Variants in DHRS13 observed in about 807,000 individuals in gnomAD.
The protein encoded by DHRS13 is dehydrogenase/reductase SDR family member 13.
DHRS13 carries 22 observed loss-of-function variants against 17.9 expected under a neutral mutation model. The observed-to-expected ratio is 1.23, with a 90% CI of 0.88 to 1.75. The LOEUF is 1.75. Among genes scored for constraint, DHRS13 ranks in the 40% most tolerant of loss-of-function variants. DHRS13 has a pLI of 0.00. For missense variants in DHRS13, 483 were observed against 519.9 expected, an observed-to-expected ratio of 0.93 and a Z score of 0.69; for synonymous variants, 206 against 220.4, an observed-to-expected ratio of 0.93 and a Z score of 0.58.
Position 28,898,784 on chromosome 17 carries a change from GTCTGGGCACCCC to G in DHRS13, c.779_790del (p.Gly260_Thr264delinsAla). On this transcript the variant is annotated inframe_deletion, in exon 5 of 5. Coordinates refer to ENST00000378895, the MANE Select transcript of DHRS13 (RefSeq NM_144683.4). ...CTCTTGTAGAGCACAATACAGGGGTGTCTGGGCACCCCCTCTTGGTGCCCGGAGCACCAGCCA... is the reference window on the plus strand; with the variant it reads ...CTCTTGTAGAGCACAATACAGGGGTGCTCTTGGTGCCCGGAGCACCAGCCA... 1 of 1,612,484 alleles carries G rather than the reference GTCTGGGCACCCC, an allele frequency of 6.2e-7. No homozygotes were observed. The highest frequency in any genetic ancestry group is 8.5e-7 in the Non-Finnish European group (1 of 1,179,402).
In DHRS13 at chr17:28,901,456, G is replaced by A. The variant is rs777139066; in HGVS notation, c.370+37C>T. On this transcript the variant is annotated intron_variant, in intron 3 of 4. Transcript: ENST00000378895. The surrounding 1 kb of genome is among the most constrained non-coding windows in gnomAD (Gnocchi z 4.3). ...AGGGGGCAGTTGCCCCTGGCCACCC[G>A]CCACCCCACCCCCACGCAGGGCCTG... 6 of 1,611,690 alleles carry A rather than the reference G, an allele frequency of 3.7e-6. No homozygotes were observed. The highest frequency in any genetic ancestry group is 2.2e-5 in the East Asian group (1 of 44,846).
Position 28,899,044 on chromosome 17 carries a change from A to C in DHRS13, c.683-152T>G, listed in dbSNP as rs981115780. Reference sequence around the variant, plus strand: ...TAGTCAAGCTCTGTCTCTTTAAAAAAAAAAACAACAACAAAAAAAATAGAA... The same window carrying C: ...TAGTCAAGCTCTGTCTCTTTAAAAACAAAAACAACAACAAAAAAAATAGAA... On this transcript the variant is annotated intron_variant, in intron 4 of 4. Transcript: ENST00000378895. This position sits in a 1 kb window ranked among gnomAD's most constrained non-coding sequence, Gnocchi z 4.7. The C allele has an allele frequency of 9.3e-6, 6 of 648,270 alleles. No individual in the cohort carries two copies. The highest frequency in any genetic ancestry group is 2.4e-5 in the South Asian group (1 of 42,080). 40.2% of individuals were successfully genotyped at this position (648,270 alleles called of 1,614,324 possible). A position where few individuals can be genotyped will look rare whatever the true frequency, so the allele number is the denominator to read the frequency against.
At chr17:28,898,913 A>G (rs746747616) in intron 4 of DHRS13, 21 bp from the exon 5 acceptor site, 317 of 1,550,586 alleles carry the variant, frequency 2.0e-4, no homozygotes, top group Non-Finnish European at 2.7e-4. Flanking sequence ...GAAGAAAGAA[A>G]GGAGTCGGGC....
Position 28,900,155 on chromosome 17 carries a change from C to T in DHRS13, c.682+835G>A, listed in dbSNP as rs140351329. 7.0e-4 allele frequency among the ~76,000 whole-genome samples: 106 copies of T among 152,228 alleles called. No homozygotes were observed. In the East Asian group the frequency reaches 0.016, roughly 23 times the overall value. On this transcript the variant is annotated intron_variant, in intron 4 of 4. Coordinates refer to ENST00000378895, the MANE Select transcript of DHRS13 (RefSeq NM_144683.4). ...TCTCGAACTCCTGACCTTGTGATTG[C>T]CCGCCTCGGCCTCCCAAAATGCTGG...
chr17:28,902,571 G>T lies in DHRS13; in HGVS notation c.246+12C>A. On this transcript the variant is annotated intron_variant, in intron 2 of 4. Coordinates refer to ENST00000378895, the MANE Select transcript of DHRS13 (RefSeq NM_144683.4). The surrounding 1 kb of genome is among the most constrained non-coding windows in gnomAD (Gnocchi z 4.0). ...TCGGCTCACCGTCCCACGCGCCCCC[G>T]CTGCCTCTCACCTGGCGGAGGTCGA... The T allele has an allele frequency of 2.7e-6, 4 of 1,474,792 alleles. No individual in the cohort carries two copies. The highest frequency in any genetic ancestry group is 3.6e-6 in the Non-Finnish European group (4 of 1,121,164). 91.4% of individuals were successfully genotyped at this position (1,474,792 alleles called of 1,614,324 possible). A position where few individuals can be genotyped will look rare whatever the true frequency, so the allele number is the denominator to read the frequency against.
chr17:28,901,820 T>A lies in DHRS13; in HGVS notation c.247-204A>T. ...CCTTGGGCAAGATACTTAATCTCTC[T>A]GGGTCTCAGTTCTCTCACTGCGTAA... On this transcript the variant is annotated intron_variant, in intron 2 of 4. Transcript: ENST00000378895. This position sits in a 1 kb window ranked among gnomAD's most constrained non-coding sequence, Gnocchi z 4.3. 1 of 729,876 alleles carries A rather than the reference T, an allele frequency of 1.4e-6. No homozygotes were observed. Among genetic ancestry groups the A allele is most frequent in the Non-Finnish European group, 2.1e-6 (1 of 465,140 alleles). The allele number at this position is 729,876 out of a possible 1,614,324, so 45.2% of individuals were successfully genotyped here.
At chr17:28,900,873 C>T in intron 4 of DHRS13, 117 bp downstream of exon 4, 1 of 1,163,038 alleles carries the variant, frequency 8.6e-7, no homozygotes, top group Non-Finnish European at 1.2e-6. Flanking sequence ...TCCTTGCTGC[C>T]CTGAGATTCT....
intron 4 of DHRS13, 24 bp downstream of exon 4, chr17:28,900,966 G>A (rs1196562088): frequency 9.0e-6 from 14 of 1,557,190 alleles, no homozygotes; most frequent in South Asian, 1.2e-5. Flanking sequence ...GAGGGGAATC[G>A]GAAGCCAAAG....
In DHRS13 at chr17:28,901,292, G is replaced by A. The variant is rs756925355; in HGVS notation, c.380C>T (p.Ser127Phe). Residue 127 changes from serine (S) to phenylalanine (F), a missense_variant, in exon 4 of 5, where the codon TCC becomes TTC. Transcript: ENST00000378895. This position sits in a 1 kb window ranked among gnomAD's most constrained non-coding sequence, Gnocchi z 4.3. ...DILIHNAGIS[S>F]CGRTREAFNL... ...AAACGCCTCACGGGTCCGGCCACAG[G>A]AACTGATACCTGGGGCAGAGGCTAA... is the stretch of plus-strand genomic sequence containing the variant. The A allele has an allele frequency of 3.0e-5, 49 of 1,606,560 alleles. No homozygotes were observed. Among genetic ancestry groups the A allele is most frequent in the Non-Finnish European group, 4.1e-5 (48 of 1,175,278 alleles).
Position 28,898,105 on chromosome 17 carries a change from G to T in DHRS13, c.*336C>A. Reference sequence around the variant, plus strand: ...GATCAGTTCACTAATTCTCAATGTTGGCAGTGCATCACATTGCAAACTCCC... The same window carrying T: ...GATCAGTTCACTAATTCTCAATGTTTGCAGTGCATCACATTGCAAACTCCC... On this transcript the variant is annotated 3_prime_UTR_variant, in exon 5 of 5. Coordinates refer to ENST00000378895, the MANE Select transcript of DHRS13 (RefSeq NM_144683.4). 3.1e-6 allele frequency: 1 copy of T among 321,838 alleles called. No individual in the cohort carries two copies. Among genetic ancestry groups the T allele is most frequent in the Admixed American group, 5.1e-5 (1 of 19,570 alleles). The allele number at this position is 321,838 out of a possible 1,614,324, so 19.9% of individuals were successfully genotyped here.
In DHRS13 at chr17:28,898,390, C is replaced by G; in HGVS notation, c.*51G>C. On this transcript the variant is annotated 3_prime_UTR_variant, in exon 5 of 5. Coordinates refer to ENST00000378895, the MANE Select transcript of DHRS13 (RefSeq NM_144683.4). ...TCCAGGGCATGGCCTCGCACACATC[C>G]GAGGTTTTCAAGGACCATGAAGTGC... is the stretch of plus-strand genomic sequence containing the variant. 1.3e-6 allele frequency: 2 copies of G among 1,531,656 alleles called. No homozygotes were observed. Among genetic ancestry groups the G allele is most frequent in the Non-Finnish European group, 1.8e-6 (2 of 1,138,940 alleles). The allele number at this position is 1,531,656 out of a possible 1,614,324, so 94.9% of individuals were successfully genotyped here.
chr17:28,901,647 C>G lies in DHRS13; in HGVS notation c.247-31G>C. 1 of 1,611,280 alleles carries G rather than the reference C, an allele frequency of 6.2e-7. No homozygotes were observed. The highest frequency in any genetic ancestry group is 1.1e-5 in the South Asian group (1 of 91,006). On this transcript the variant is annotated intron_variant, in intron 2 of 4. Coordinates refer to ENST00000378895, the MANE Select transcript of DHRS13 (RefSeq NM_144683.4). The surrounding 1 kb of genome is among the most constrained non-coding windows in gnomAD (Gnocchi z 4.3). Reference sequence around the variant, plus strand: ...GAGAGGCAAGGGCTGGGCTTGTCACCAGGCATCTCTCTCCTCTTCCCTCTC... The same window carrying G: ...GAGAGGCAAGGGCTGGGCTTGTCACGAGGCATCTCTCTCCTCTTCCCTCTC...
At chr17:28,900,444 G>A (rs1469521423) in intron 4 of DHRS13, among the ~76,000 whole-genome samples, 1 of 152,128 alleles carries the variant, frequency 6.6e-6, no homozygotes, top group African/African-American at 2.4e-5. Context: ...TTCCTTGACT[G>A]CCACACCATA....
Position 28,901,646 on chromosome 17 carries a change from C to T in DHRS13, c.247-30G>A. 1 of 1,611,268 alleles carries T rather than the reference C, an allele frequency of 6.2e-7. No homozygotes were observed. The highest frequency in any genetic ancestry group is 1.7e-4 in the Middle Eastern group (1 of 6,050). ...GGAGAGGCAAGGGCTGGGCTTGTCA[C>T]CAGGCATCTCTCTCCTCTTCCCTCT... is the stretch of plus-strand genomic sequence containing the variant. On this transcript the variant is annotated intron_variant, in intron 2 of 4. Transcript: ENST00000378895. This position sits in a 1 kb window ranked among gnomAD's most constrained non-coding sequence, Gnocchi z 4.3.
chr17:28,900,900 T>C (rs2152652537), intron 4 of DHRS13, 90 bp downstream of exon 4: 5 of 1,334,680 alleles, frequency 3.7e-6, no homozygotes, highest in Non-Finnish European at 5.1e-6. Context: ...CAATGAGGGA[T>C]GGAGGGTGGG....
At chr17:28,900,911 G>GAGGC (rs2039799489) in intron 4 of DHRS13, 79 bp downstream of exon 4, 15 of 1,423,672 alleles carry the variant, frequency 1.1e-5, no homozygotes, top group Non-Finnish European at 1.4e-5. Flanking sequence ...GGAGGGTGGG[G>GAGGC]AGGCGGTAGT....
In DHRS13 at chr17:28,902,327, G is replaced by T. The variant is rs971729387; in HGVS notation, c.246+256C>A. Among the ~76,000 whole-genome samples the T allele has an allele frequency of 2.6e-5, 4 of 152,110 alleles. No homozygotes were observed. The highest frequency in any genetic ancestry group is 9.7e-5 in the African/African-American group (4 of 41,410). ...GCCCTCTGCTGTTCCCTTTCCTACT[G>T]ATCATTAACCCAACTTCTACTGATG... is the stretch of plus-strand genomic sequence containing the variant. On this transcript the variant is annotated intron_variant, in intron 2 of 4. Coordinates refer to ENST00000378895, the MANE Select transcript of DHRS13 (RefSeq NM_144683.4). This position sits in a 1 kb window ranked among gnomAD's most constrained non-coding sequence, Gnocchi z 4.0.
Position 28,901,048 on chromosome 17 carries a change from G to A in DHRS13, c.624C>T (p.Ala208=). Residue 208 remains alanine (A), a synonymous_variant, in exon 4 of 5, where the codon GCC becomes GCT. Coordinates refer to ENST00000378895, the MANE Select transcript of DHRS13 (RefSeq NM_144683.4). This position sits in a 1 kb window ranked among gnomAD's most constrained non-coding sequence, Gnocchi z 4.3. ...ADTKLANVLF[A]RELANQLEAT... is the part of the protein sequence containing the mutation. Reference sequence around the variant, plus strand: ...CCTCAAGCTGGTTGGCGAGCTCCCGGGCAAACAGTACATTAGCCAGCTTAG... The same window carrying A: ...CCTCAAGCTGGTTGGCGAGCTCCCGAGCAAACAGTACATTAGCCAGCTTAG... 1 of 1,613,284 alleles carries A rather than the reference G, an allele frequency of 6.2e-7. No homozygotes were observed. The highest frequency in any genetic ancestry group is 1.1e-5 in the South Asian group (1 of 91,054).
In DHRS13 at chr17:28,899,136, G is replaced by A. The variant is rs535044722; in HGVS notation, c.683-244C>T. ...CCAGGATAGTATTTACCAGGCATTC[G>A]GGGCTTCTGCGAGGTGACTTCACTC... is the stretch of plus-strand genomic sequence containing the variant. On this transcript the variant is annotated intron_variant, in intron 4 of 4. Transcript: ENST00000378895. This position sits in a 1 kb window ranked among gnomAD's most constrained non-coding sequence, Gnocchi z 4.7. The A allele has an allele frequency of 7.0e-6, 3 of 431,334 alleles. No homozygotes were observed. Among genetic ancestry groups the A allele is most frequent in the African/African-American group, 4.2e-5 (2 of 47,970 alleles). 26.7% of individuals were successfully genotyped at this position (431,334 alleles called of 1,614,324 possible).
Sources: allele counts gnomAD v4.1 joint callset (sites outside exome capture counted in the v4.1 genomes callset), GRCh38; gene constraint gnomAD v4.1.1; non-coding constraint Gnocchi (gnomAD v3.1); transcripts MANE v1.5; gene names NCBI Gene and HGNC (gene_info 2026-07-23, HGNC 2026-07-21).